The following GALNT17 variants were observed in gnomAD, a reference collection of about 807,000 sequenced individuals.
The protein encoded by GALNT17 is UDP-GalNAc:polypeptide N-acetylgalactosaminyltransferase-like 3.
A neutral mutation model predicts 63.7 loss-of-function variants in GALNT17; 29 were observed. The observed-to-expected ratio is 0.46, with a 90% CI of 0.34 to 0.62. The LOEUF is 0.62. Among genes scored for constraint, GALNT17 ranks in the 20% least tolerant of loss-of-function variants. The pLI is 0.01. For missense variants in GALNT17, 603 were observed against 799.6 expected, an observed-to-expected ratio of 0.75 and a Z score of 2.97; for synonymous variants, 305 against 318.3, an observed-to-expected ratio of 0.96 and a Z score of 0.45.
intron 1 of GALNT17, among the ~76,000 whole-genome samples, chr7:71,175,622 T>C (rs1585858647): frequency 6.6e-6 from 1 of 152,132 alleles, no homozygotes; most frequent in African/African-American, 2.4e-5. Flanking sequence ...TGAGAGGCGG[T>C]GGTGGCCTGA....
chr7:71,134,386 G>T (rs1490798084), intron 1 of GALNT17, among the ~76,000 whole-genome samples: 2 of 152,202 alleles, frequency 1.3e-5, no homozygotes, highest in Non-Finnish European at 2.9e-5. Flanking sequence ...CTTCACTGTG[G>T]TGGCAAGGGG....
Position 71,277,599 on chromosome 7 carries a change from TAAAG to T in GALNT17, c.239-57948_239-57945del, listed in dbSNP as rs1790705645. Among the ~76,000 whole-genome samples, 11 of 152,184 alleles carry T rather than the reference TAAAG, an allele frequency of 7.2e-5. No individual in the cohort carries two copies. In the South Asian group the frequency reaches 2.3e-3, roughly 32 times the overall value. Reference sequence around the variant, plus strand: ...AAAATGATATAAATGTTACATTAAATAAAGAAGGAGTGTTCTGAGACACTGCCAC... The same window carrying T: ...AAAATGATATAAATGTTACATTAAATAAGGAGTGTTCTGAGACACTGCCAC... On this transcript the variant is annotated intron_variant, in intron 1 of 10. Coordinates refer to ENST00000333538, the MANE Select transcript of GALNT17 (RefSeq NM_022479.3).
chr7:71,154,956 A>AAC (rs1788207166), intron 1 of GALNT17, among the ~76,000 whole-genome samples: 1 of 151,820 alleles, frequency 6.6e-6, no homozygotes, highest in African/African-American at 2.4e-5. Flanking sequence ...GTGGGTAATG[A>AAC]ATTTTTTCGG....
At chr7:71,688,529 G>A (rs141186040) in intron 9 of GALNT17, among the ~76,000 whole-genome samples, 103 of 133,762 alleles carry the variant, frequency 7.7e-4, no homozygotes, top group Admixed American at 2.5e-3. Context: ...TCCCAATTCC[G>A]TTTTTCTAAT....
intron 9 of GALNT17, among the ~76,000 whole-genome samples, chr7:71,707,678 A>G (rs942018459): frequency 6.6e-6 from 1 of 152,174 alleles, no homozygotes; most frequent in African/African-American, 2.4e-5. Context: ...GGGCTCCCTG[A>G]TCCAGGTTGG....
At chr7:71,362,785 T>G (rs949034727) in intron 2 of GALNT17, among the ~76,000 whole-genome samples, 1 of 152,132 alleles carries the variant, frequency 6.6e-6, no homozygotes. Context: ...CCGTGAGTCG[T>G]GAAGGAAACA....
intron 5 of GALNT17, among the ~76,000 whole-genome samples, chr7:71,565,422 CT>C (rs1196151308): frequency 6.6e-6 from 1 of 151,922 alleles, no homozygotes; most frequent in Non-Finnish European, 1.5e-5. Flanking sequence ...TTCCTCTCTC[CT>C]TTCCTCTCCC....
Position 71,132,913 on chromosome 7 carries a change from C to T in GALNT17, c.111C>T (p.Asp37=), listed in dbSNP as rs1306272602. 2 of 1,612,390 alleles carry T rather than the reference C, an allele frequency of 1.2e-6. No homozygotes were observed. Among genetic ancestry groups the T allele is most frequent in the Non-Finnish European group, 8.5e-7 (1 of 1,179,588 alleles). ...KCRPIAVRSG[D]AFHEIRPRAE... ...GGCCCATCGCGGTGCGCAGCGGAGA[C>T]GCCTTCCACGAGATCCGGCCGCGCG... The change falls in exon 1 of 11, where the codon GAC becomes GAT. Residue 37 remains aspartate, a synonymous_variant. Coordinates refer to ENST00000333538, the MANE Select transcript of GALNT17 (RefSeq NM_022479.3).
chr7:71,203,625 A>G (rs2116373389), intron 1 of GALNT17, among the ~76,000 whole-genome samples: 1 of 152,324 alleles, frequency 6.6e-6, no homozygotes, highest in East Asian at 1.9e-4. Context: ...TTTTAATAAA[A>G]GAGATTTAAT....
At chr7:71,527,150 A>G (rs556809596) in intron 5 of GALNT17, among the ~76,000 whole-genome samples, 6 of 152,164 alleles carry the variant, frequency 3.9e-5, no homozygotes, top group Non-Finnish European at 8.8e-5. Context: ...TGATGTAGCT[A>G]TTCAATAAAA....
chr7:71,281,878 T>A (rs140199050), intron 1 of GALNT17, among the ~76,000 whole-genome samples: 1 of 152,206 alleles, frequency 6.6e-6, no homozygotes, highest in South Asian at 2.1e-4. Flanking sequence ...ACCCATAGAT[T>A]TCAGGTTAGT....
intron 9 of GALNT17, among the ~76,000 whole-genome samples, chr7:71,701,063 A>T (rs1791624232): frequency 6.6e-6 from 1 of 152,190 alleles, no homozygotes. Flanking sequence ...CAAACTGGGT[A>T]GGTAAGGAAA....
At chr7:71,485,535 T>G (rs981177664) in intron 5 of GALNT17, among the ~76,000 whole-genome samples, 1 of 152,206 alleles carries the variant, frequency 6.6e-6, no homozygotes. Context: ...TCATGGCAGG[T>G]CCTTGACCTG....
At chr7:71,611,451 GAAAC>G (rs1365503340) in intron 6 of GALNT17, among the ~76,000 whole-genome samples, 1 of 152,172 alleles carries the variant, frequency 6.6e-6, no homozygotes, top group East Asian at 1.9e-4. Context: ...ATATCACAGA[GAAAC>G]AAATATCAGT....
intron 5 of GALNT17, among the ~76,000 whole-genome samples, chr7:71,476,990 TACC>T (rs1179369030): frequency 6.6e-6 from 1 of 151,888 alleles, no homozygotes; most frequent in Admixed American, 6.6e-5. Context: ...CTCGTGGTGT[TACC>T]ACATCACCGG....
chr7:71,294,409 CTTTTTT>C (rs869086513), intron 1 of GALNT17, among the ~76,000 whole-genome samples: 1 of 91,920 alleles, frequency 1.1e-5, no homozygotes, highest in Non-Finnish European at 1.9e-5. Context: ...CTCATAAGTC[CTTTTTT>C]TTTTTTTTTT....
At chr7:71,228,613 A>C (rs1204273949) in intron 1 of GALNT17, among the ~76,000 whole-genome samples, 1 of 152,058 alleles carries the variant, frequency 6.6e-6, no homozygotes, top group Non-Finnish European at 1.5e-5. Context: ...GGCTCCCAAC[A>C]TTCCTTGGCT....
At chr7:71,491,193 T>G (rs952603320) in intron 5 of GALNT17, among the ~76,000 whole-genome samples, 6 of 151,928 alleles carry the variant, frequency 3.9e-5, no homozygotes, top group Admixed American at 3.9e-4. Flanking sequence ...AAAATCCGTC[T>G]CAGAAAAAAA....
At chr7:71,497,261 C>T (rs1788111539) in intron 5 of GALNT17, among the ~76,000 whole-genome samples, 1 of 152,194 alleles carries the variant, frequency 6.6e-6, no homozygotes, top group South Asian at 2.1e-4. Flanking sequence ...ACACATTGTG[C>T]AAACTGTGTG....
Sources: gnomAD v4.1 joint callset for allele counts (sites outside exome capture counted in the v4.1 genomes callset) on GRCh38, gnomAD v4.1.1 for gene constraint, MANE v1.5 for transcripts, NCBI Gene and HGNC (gene_info 2026-07-23, HGNC 2026-07-21) for gene names.